Variants in IL17D observed in about 807,000 individuals in gnomAD.
IL17D encodes interleukin 17D.
In IL17D, 10 loss-of-function variants were observed where a neutral mutation model predicts 5.7. The observed-to-expected ratio is 1.75, with a 90% CI of 1.08 to 2.97. IL17D has a LOEUF of 2.97. Among genes scored for constraint, IL17D ranks in the 30% most tolerant of loss-of-function variants. The pLI is 0.00. For synonymous variants in IL17D, 172 were observed against 141.7 expected, an observed-to-expected ratio of 1.21 and a Z score of -1.52; for missense variants, 354 against 292.7, an observed-to-expected ratio of 1.21 and a Z score of -1.53.
At chr13:20,710,238 C>T (rs1420324689) in intron 1 of IL17D, among the ~76,000 whole-genome samples, 1 of 151,948 alleles carries the variant, frequency 6.6e-6, no homozygotes, top group African/African-American at 2.4e-5. Flanking sequence ...TTTTAAAAGT[C>T]AGATTGATAT....
intron 1 of IL17D, among the ~76,000 whole-genome samples, chr13:20,705,006 G>A (rs1408069847): frequency 6.6e-6 from 1 of 152,192 alleles, no homozygotes; most frequent in South Asian, 2.1e-4. Flanking sequence ...TTGGAACAGA[G>A]GTCATTTCAG....
chr13:20,712,136 A>G (rs41528145), intron 1 of IL17D, among the ~76,000 whole-genome samples: 11 of 152,276 alleles, frequency 7.2e-5, no homozygotes. Context: ...GCCAGGAACC[A>G]CAGACCCTGA....
intron 1 of IL17D, among the ~76,000 whole-genome samples, chr13:20,714,370 C>T (rs147746479): frequency 5.3e-5 from 8 of 152,298 alleles, no homozygotes; most frequent in South Asian, 2.1e-4. Context: ...AACCGCACAC[C>T]GCATCTGTTA....
In IL17D at chr13:20,716,090, A is replaced by G; in HGVS notation, c.291-5546A>G. Reference sequence around the variant, plus strand: ...TAGGCCTCATGCCGGTGGTCTGAAAACCACATTTTGGAAATCTTGTTTATG... The same window carrying G: ...TAGGCCTCATGCCGGTGGTCTGAAAGCCACATTTTGGAAATCTTGTTTATG... On this transcript the variant is annotated intron_variant, in intron 1 of 1. Coordinates refer to ENST00000682841, the MANE Select transcript of IL17D (RefSeq NM_001385224.1). The surrounding 1 kb of genome is among the most constrained non-coding windows in gnomAD (Gnocchi z 4.2). 1.0e-6 allele frequency: 1 copy of G among 985,292 alleles called. No individual in the cohort carries two copies. Among genetic ancestry groups the G allele is most frequent in the Non-Finnish European group, 1.2e-6 (1 of 829,882 alleles). The allele number at this position is 985,292 out of a possible 1,614,324, so 61.0% of individuals were successfully genotyped here.
At position 20,721,616 on chromosome 13, in the gene IL17D, C is replaced by G. The variant is rs949793199; in HGVS notation, c.291-20C>G. The G allele has an allele frequency of 1.3e-6, 2 of 1,571,952 alleles. No homozygotes were observed. Among genetic ancestry groups the G allele is most frequent in the Non-Finnish European group, 1.7e-6 (2 of 1,155,684 alleles). The stretch of plus-strand genomic sequence containing the variant: ...GGGGCTGCCCCCAGGCGTGACCTCA[C>G]CCGTGCTCTCTCCCTGCAGAATCTC... On this transcript the variant is annotated intron_variant, in intron 1 of 1. Coordinates refer to ENST00000682841, the MANE Select transcript of IL17D (RefSeq NM_001385224.1).
chr13:20,709,746 TGTTA>T (rs1414188334), intron 1 of IL17D, among the ~76,000 whole-genome samples: 1 of 152,112 alleles, frequency 6.6e-6, no homozygotes, highest in Non-Finnish European at 1.5e-5. Context: ...TTCAAAGACA[TGTTA>T]GTTTTTAAGT....
intron 1 of IL17D, among the ~76,000 whole-genome samples, chr13:20,720,848 T>A (rs1356850966): frequency 6.8e-6 from 1 of 146,766 alleles, no homozygotes; most frequent in African/African-American, 2.6e-5. Context: ...CTCGGGCTCT[T>A]CCTACACCAG....
At chr13:20,718,875 C>G (rs2058708224) in intron 1 of IL17D, among the ~76,000 whole-genome samples, 1 of 135,616 alleles carries the variant, frequency 7.4e-6, no homozygotes. Context: ...TGCCCACACT[C>G]ACACACACCT....
chr13:20,717,238 G>A (rs933787842), intron 1 of IL17D: 1 of 152,266 alleles, frequency 6.6e-6, no homozygotes, highest in African/African-American at 2.4e-5. Flanking sequence ...GGGAAAACTT[G>A]ATGTGTTTCA....
chr13:20,703,994 A>G lies in IL17D; in HGVS notation c.-8A>G. The G allele has an allele frequency of 9.9e-7, 1 of 1,012,914 alleles. No homozygotes were observed. The allele number at this position is 1,012,914 out of a possible 1,614,324, so 62.7% of individuals were successfully genotyped here. ...GGACGCTGAGCGTGGCCTGTCCCTC[A>G]GGTCTGGATGCTGGTAGCCGGCTTC... On this transcript the variant is annotated 5_prime_UTR_variant, in exon 1 of 2. Coordinates refer to ENST00000682841, the MANE Select transcript of IL17D (RefSeq NM_001385224.1).
intron 1 of IL17D, among the ~76,000 whole-genome samples, chr13:20,717,803 G>A (rs41377249): frequency 0.35 from 53,009 of 152,018 alleles, 11,263 homozygotes; most frequent in Non-Finnish European, 0.48. Flanking sequence ...GCATCCCAGC[G>A]GCGGGGGCAA....
Position 20,722,058 on chromosome 13 carries a change from GCAAACCAAGTGCCGGAGCACCA to G in IL17D, c.*105_*126del. ...GCGACCTCTGAAGAGAGTGCACCGA[GCAAACCAAGTGCCGGAGCACCA>G]GCGCCGCCTTTCCATGGAGACTCGT... On this transcript the variant is annotated 3_prime_UTR_variant, in exon 2 of 2. Coordinates refer to ENST00000682841, the MANE Select transcript of IL17D (RefSeq NM_001385224.1). The G allele has an allele frequency of 1.0e-6, 1 of 961,192 alleles. No individual in the cohort carries two copies. Among genetic ancestry groups the G allele is most frequent in the Middle Eastern group, 3.2e-4 (1 of 3,110 alleles). The allele number at this position is 961,192 out of a possible 1,614,324, so 59.5% of individuals were successfully genotyped here. A position where few individuals can be genotyped will look rare whatever the true frequency, so the allele number is the denominator to read the frequency against.
rs1296390042 is a variant in IL17D, at chr13:20,704,154, C to T, written c.153C>T (p.Leu51=). 1 of 1,364,780 alleles carries T rather than the reference C, an allele frequency of 7.3e-7. No homozygotes were observed. The highest frequency in any genetic ancestry group is 1.5e-5 in the South Asian group (1 of 67,848). 84.5% of individuals were successfully genotyped at this position (1,364,780 alleles called of 1,614,324 possible). A position where few individuals can be genotyped will look rare whatever the true frequency, so the allele number is the denominator to read the frequency against. The change falls in exon 1 of 2, where the codon CTC becomes CTT. Residue 51 remains leucine (L), a synonymous_variant. Transcript: ENST00000682841. The part of the protein sequence containing the change: ...QLYGRLAAGV[L]SAFHHTLQLG... The stretch of plus-strand genomic sequence containing the variant: ...ACGGGCGCCTGGCGGCCGGCGTGCT[C>T]AGTGCCTTCCACCACACGCTGCAGC...
rs1228894602 is a variant in IL17D, at chr13:20,721,980, C to T, written c.*26C>T. Reference sequence around the variant, plus strand: ...GGCCGGTCCTGCCCCGGGAGGTCTCCCCGGCCCGCATCCCGAGGCGCCCAA... The same window carrying T: ...GGCCGGTCCTGCCCCGGGAGGTCTCTCCGGCCCGCATCCCGAGGCGCCCAA... On this transcript the variant is annotated 3_prime_UTR_variant, in exon 2 of 2. Transcript: ENST00000682841. 4 of 1,534,204 alleles carry T rather than the reference C, an allele frequency of 2.6e-6. No homozygotes were observed. Among genetic ancestry groups the T allele is most frequent in the Admixed American group, 1.9e-5 (1 of 51,316 alleles).
chr13:20,720,389 C>G (rs2058721824), intron 1 of IL17D, among the ~76,000 whole-genome samples: 1 of 152,202 alleles, frequency 6.6e-6, no homozygotes, highest in Admixed American at 6.5e-5. Context: ...TCTCGTTGTA[C>G]TTCCTAGTGG....
chr13:20,703,377 G>A (rs915624010), upstream of IL17D: 2 of 986,090 alleles, frequency 2.0e-6, no homozygotes, highest in African/African-American at 3.5e-5. Context: ...GAAAGGTGCA[G>A]AGTCGCTCTG....
intron 1 of IL17D, chr13:20,712,634 GTCTC>G (rs1380353164): frequency 1.3e-5 from 2 of 151,364 alleles, no homozygotes; most frequent in African/African-American, 4.9e-5. Flanking sequence ...ACAAATGCAT[GTCTC>G]TCTTTTATGC....
In IL17D at chr13:20,720,315, C is replaced by T. The variant is rs994394163; in HGVS notation, c.291-1321C>T. ...TCAGCCAAGAGCTCCCTCTGCGGCT[C>T]CAGCCCATCTTCCCCCCAATAGTCT... is the stretch of plus-strand genomic sequence containing the variant. On this transcript the variant is annotated intron_variant, in intron 1 of 1. Coordinates refer to ENST00000682841, the MANE Select transcript of IL17D (RefSeq NM_001385224.1). 8.4e-4 allele frequency among the ~76,000 whole-genome samples: 128 copies of T among 152,182 alleles called. 1 individual carries two copies. The highest frequency in any genetic ancestry group is 1.9e-4 in the Non-Finnish European group (13 of 68,034).
chr13:20,711,767 C>G (rs1888001), intron 1 of IL17D, among the ~76,000 whole-genome samples: 54,856 of 152,082 alleles, frequency 0.36, 11,132 homozygotes, highest in East Asian at 0.78. Flanking sequence ...GGGGAAATCA[C>G]AAGAAAATAA....
Sources: gnomAD v4.1 joint callset for allele counts (sites outside exome capture counted in the v4.1 genomes callset) on GRCh38, gnomAD v4.1.1 for gene constraint, Gnocchi (gnomAD v3.1) non-coding constraint, MANE v1.5 for transcripts, NCBI Gene and HGNC (gene_info 2026-07-23, HGNC 2026-07-21) for gene names.